Variants in WWC2 observed in about 807,000 individuals in gnomAD.
The protein encoded by WWC2 is WW and C2 domain containing 2.
Under a neutral mutation model 138.5 loss-of-function variants are expected in WWC2, and 101 were observed. The observed-to-expected ratio is 0.73, with a 90% CI of 0.62 to 0.86. The LOEUF (loss-of-function observed/expected upper bound fraction) is 0.86. Ranked by LOEUF, WWC2 falls within the 40% of genes least tolerant of loss-of-function variation. The pLI, the probability that WWC2 is intolerant of heterozygous loss-of-function variation, is 0.00. For missense variants in WWC2, 1,420 were observed against 1,419.4 expected, an observed-to-expected ratio of 1.00 and a Z score of -0.01; for synonymous variants, 558 against 538.4, an observed-to-expected ratio of 1.04 and a Z score of -0.50.
chr4:183,199,166 C>G (rs1735229271), intron 2 of WWC2, among the ~76,000 whole-genome samples: 1 of 152,106 alleles, frequency 6.6e-6, no homozygotes, highest in African/African-American at 2.4e-5. Flanking sequence ...AGAAGCAGGA[C>G]TTGAGGAAAG....
rs1739492631 is a variant in WWC2, at chr4:183,317,922, T to C, written c.*2193T>C. ...ATTTCTAACATGAGAGATGAACTTATTTTAATATAATCCTTTTTCTACACT... is the reference window on the plus strand; with the variant it reads ...ATTTCTAACATGAGAGATGAACTTACTTTAATATAATCCTTTTTCTACACT... On this transcript the variant is annotated 3_prime_UTR_variant, in exon 23 of 23. Coordinates refer to ENST00000403733, the MANE Select transcript of WWC2 (RefSeq NM_024949.6). 1 of 152,192 alleles carries C rather than the reference T, an allele frequency of 6.6e-6. No individual in the cohort carries two copies. The highest frequency in any genetic ancestry group is 1.5e-5 in the Non-Finnish European group (1 of 68,020). The allele number at this position is 152,192 out of a possible 1,614,324, so 9.4% of individuals were successfully genotyped here.
chr4:183,211,094 C>T (rs368437438), intron 4 of WWC2, among the ~76,000 whole-genome samples: 1 of 152,198 alleles, frequency 6.6e-6, no homozygotes, highest in Non-Finnish European at 1.5e-5. Flanking sequence ...TATGATTTCT[C>T]ATATGAGTGC....
intron 1 of WWC2, among the ~76,000 whole-genome samples, chr4:183,135,478 C>G (rs564916753): frequency 7.2e-5 from 11 of 151,766 alleles, no homozygotes; most frequent in Middle Eastern, 3.4e-3. Context: ...TAGGACAAGT[C>G]GAGAACCTTG....
chr4:183,230,866 A>G (rs1313286960), intron 4 of WWC2, among the ~76,000 whole-genome samples: 1 of 152,230 alleles, frequency 6.6e-6, no homozygotes, highest in African/African-American at 2.4e-5. Flanking sequence ...AGACATGAGA[A>G]AATTTATACT....
intron 1 of WWC2, among the ~76,000 whole-genome samples, chr4:183,108,211 G>A (rs766078943): frequency 6.6e-6 from 1 of 151,996 alleles, no homozygotes; most frequent in African/African-American, 2.4e-5. Flanking sequence ...TTTAAAAAAT[G>A]GCAGGAGCAA....
rs1304543514 is a variant in WWC2, at chr4:183,247,593, ATG to A, written c.733-1120_733-1119del. 3.2e-3 allele frequency among the ~76,000 whole-genome samples: 399 copies of A among 125,428 alleles called. 7 individuals carry two copies. The highest frequency in any genetic ancestry group is 0.013 in the African/African-American group (366 of 28,048). The allele number at this position is 125,428 out of a possible 152,430, so 82.3% of individuals were successfully genotyped here. On this transcript the variant is annotated intron_variant, in intron 6 of 22. Coordinates refer to ENST00000403733, the MANE Select transcript of WWC2 (RefSeq NM_024949.6). ...GCTCTATATACTATATACTATATAT[ATG>A]CTATATATGCTATATATACTATATA...
rs1739416871 is a variant in WWC2, at chr4:183,315,744, A to G, written c.*15A>G. 1 of 1,603,314 alleles carries G rather than the reference A, an allele frequency of 6.2e-7. No individual in the cohort carries two copies. Among genetic ancestry groups the G allele is most frequent in the Admixed American group, 1.7e-5 (1 of 59,218 alleles). On this transcript the variant is annotated 3_prime_UTR_variant, in exon 23 of 23. Transcript: ENST00000403733. ...ATGATGTGTGATTACATGACTTAAG[A>G]AATTATTTTTTCATCTGTTCACTTT...
chr4:183,135,542 A>C (rs1733083408), intron 1 of WWC2, among the ~76,000 whole-genome samples: 1 of 151,248 alleles, frequency 6.6e-6, no homozygotes, highest in Admixed American at 6.6e-5. Context: ...TCAGTACTTT[A>C]ATTATATATA....
At chr4:183,197,481 T>C (rs1735176466) in intron 2 of WWC2, among the ~76,000 whole-genome samples, 1 of 152,238 alleles carries the variant, frequency 6.6e-6, no homozygotes, top group African/African-American at 2.4e-5. Context: ...TGTTTAACAC[T>C]ATTTCTAAGA....
intron 1 of WWC2, among the ~76,000 whole-genome samples, chr4:183,124,440 TCTTGGA>T: frequency 6.6e-6 from 1 of 152,026 alleles, no homozygotes; most frequent in Non-Finnish European, 1.5e-5. Flanking sequence ...AGTAACCAGC[TCTTGGA>T]CTTATTGATA....
chr4:183,305,177 G>A (rs578100861), intron 21 of WWC2, among the ~76,000 whole-genome samples: 35 of 152,246 alleles, frequency 2.3e-4, no homozygotes, highest in African/African-American at 8.2e-4. Flanking sequence ...CTGAACTCTT[G>A]AGGATATGTC....
chr4:183,226,095 C>CTTTTTTTTTTTTT (rs11321151), intron 4 of WWC2, among the ~76,000 whole-genome samples: 2 of 113,532 alleles, frequency 1.8e-5, no homozygotes, highest in Non-Finnish European at 1.7e-5. Flanking sequence ...CTTTTCTTTT[C>CTTTTTTTTTTTTT]TTTTTTTTTT....
intron 21 of WWC2, among the ~76,000 whole-genome samples, chr4:183,304,819 C>G (rs1738970734): frequency 6.6e-6 from 1 of 152,206 alleles, no homozygotes; most frequent in South Asian, 2.1e-4. Context: ...GCCAGAATAT[C>G]TTTCACCTAG....
chr4:183,190,438 G>A (rs902718817), intron 1 of WWC2, among the ~76,000 whole-genome samples: 1 of 152,064 alleles, frequency 6.6e-6, no homozygotes, highest in Non-Finnish European at 1.5e-5. Flanking sequence ...TATCAGGATA[G>A]CACCATAATT....
chr4:183,221,484 A>G (rs1735936243), intron 4 of WWC2, among the ~76,000 whole-genome samples: 1 of 152,234 alleles, frequency 6.6e-6, no homozygotes, highest in South Asian at 2.1e-4. Flanking sequence ...GGAACATCAC[A>G]AAAGTAATCC....
chr4:183,163,742 A>T (rs1442640545), intron 1 of WWC2, among the ~76,000 whole-genome samples: 1 of 152,142 alleles, frequency 6.6e-6, no homozygotes, highest in Non-Finnish European at 1.5e-5. Flanking sequence ...AAAATTATTA[A>T]ATTTAATTCA....
intron 1 of WWC2, among the ~76,000 whole-genome samples, chr4:183,118,164 CT>C (rs1453612864): frequency 6.6e-6 from 1 of 152,140 alleles, no homozygotes; most frequent in Non-Finnish European, 1.5e-5. Context: ...AAAATAGTTT[CT>C]TTCAGTCGAT....
intron 11 of WWC2, among the ~76,000 whole-genome samples, chr4:183,263,147 G>C (rs980545305): frequency 6.6e-6 from 1 of 152,216 alleles, no homozygotes; most frequent in East Asian, 1.9e-4. Context: ...AATGTTCTGT[G>C]CCAGCGTTCC....
chr4:183,251,228 G>A (rs1736970071), intron 8 of WWC2, among the ~76,000 whole-genome samples: 1 of 152,180 alleles, frequency 6.6e-6, no homozygotes. Context: ...AAGTATTGAG[G>A]ATCAACTTCT....
Sources: allele counts gnomAD v4.1 joint callset (sites outside exome capture counted in the v4.1 genomes callset), GRCh38; gene constraint gnomAD v4.1.1; transcripts MANE v1.5; gene names NCBI Gene and HGNC (gene_info 2026-07-23, HGNC 2026-07-21).